The following BCL2 variants were observed in gnomAD, a reference collection of about 807,000 sequenced individuals.
BCL2 encodes the protein BCL2 apoptosis regulator, also known as apoptosis regulator Bcl-2.
In BCL2, 1 loss-of-function variant was observed where a neutral mutation model predicts 14.2. That is an observed-to-expected ratio of 0.07 (90% confidence interval 0.02 to 0.33). The LOEUF (loss-of-function observed/expected upper bound fraction) is 0.33, where lower values mean the gene tolerates loss of function less well. BCL2 is among the 10% of genes least tolerant of loss of function. The probability of loss-of-function intolerance (pLI) is 0.99; values close to 1 mark genes in which losing one functional copy is unlikely to be tolerated. For missense variants in BCL2, 247 were observed against 305.9 expected (o/e 0.81, Z 1.44); for synonymous variants, 151 against 137.2 (o/e 1.10, Z -0.70).
intron 2 of BCL2, among the ~76,000 whole-genome samples, chr18:63,258,304 G>A (rs1448628601): frequency 6.6e-6 from 1 of 152,186 alleles, no homozygotes; most frequent in Non-Finnish European, 1.5e-5. Flanking sequence ...TTTTGTCACA[G>A]CAGCCCTAGA....
intron 2 of BCL2, among the ~76,000 whole-genome samples, chr18:63,235,712 G>A (rs540999011): frequency 6.6e-6 from 1 of 151,832 alleles, no homozygotes; most frequent in East Asian, 1.9e-4. Flanking sequence ...AAAGAACAAG[G>A]ACATGACAAA....
chr18:63,253,228 G>C (rs948430878), intron 2 of BCL2, among the ~76,000 whole-genome samples: 2 of 152,160 alleles, frequency 1.3e-5, no homozygotes, highest in African/African-American at 4.8e-5. Context: ...AGCAGAAGGA[G>C]CCCCAGAAAA....
At chr18:63,137,559 T>G (rs893998329) in intron 2 of BCL2, among the ~76,000 whole-genome samples, 4 of 152,068 alleles carry the variant, frequency 2.6e-5, no homozygotes, top group African/African-American at 9.7e-5. Flanking sequence ...ATTCAGTGCT[T>G]TTTTTTTCTT....
chr18:63,312,705 C>T (rs1599307523), intron 2 of BCL2, among the ~76,000 whole-genome samples: 1 of 152,266 alleles, frequency 6.6e-6, no homozygotes, highest in Middle Eastern at 3.4e-3. Flanking sequence ...AGGAAGAGCC[C>T]CCGCTCTGGT....
chr18:63,215,045 A>G (rs572106143), intron 2 of BCL2, among the ~76,000 whole-genome samples: 38 of 152,272 alleles, frequency 2.5e-4, no homozygotes, highest in Admixed American at 2.5e-3. Flanking sequence ...ACTTCCCCAG[A>G]ACCCAACTCT....
intron 2 of BCL2, among the ~76,000 whole-genome samples, chr18:63,303,072 A>AG (rs982028592): frequency 6.6e-6 from 1 of 152,254 alleles, no homozygotes; most frequent in African/African-American, 2.4e-5. Flanking sequence ...AAGAAAAAAA[A>AG]CACTAAGGTC....
intron 2 of BCL2, among the ~76,000 whole-genome samples, chr18:63,296,871 T>C (rs1166100190): frequency 1.3e-5 from 2 of 152,222 alleles, no homozygotes; most frequent in African/African-American, 4.8e-5. Context: ...GTGACCACAT[T>C]GTGCAATAAA....
rs547810519 is a variant in BCL2 at position 63,155,197 on chromosome 18, G to A, written c.586-26438C>T. ...AGGTCGGCACAGGGCGGGCAGAGGT[G>A]GCAAATGGCAGTGTCCTTTGTCCCC... On this transcript the variant is annotated intron_variant, in intron 2 of 2. Coordinates refer to ENST00000333681, the MANE Select transcript of BCL2 (RefSeq NM_000633.3). Among the ~76,000 whole-genome samples, 55 of 152,290 alleles carry A rather than the reference G, an allele frequency of 3.6e-4. No homozygotes were observed. The South Asian group carries it at 9.3e-3, about 26-fold the overall frequency.
chr18:63,203,693 CACACACACAT>C (rs1470193588), intron 2 of BCL2, among the ~76,000 whole-genome samples: 1 of 152,180 alleles, frequency 6.6e-6, no homozygotes, highest in Non-Finnish European at 1.5e-5. Flanking sequence ...CACGCACACA[CACACACACAT>C]ACACACACAT....
chr18:63,255,836 G>C (rs1457456030), intron 2 of BCL2, among the ~76,000 whole-genome samples: 1 of 147,336 alleles, frequency 6.8e-6, no homozygotes, highest in Non-Finnish European at 1.5e-5. Context: ...CTCCCCCCCC[G>C]CCACACACAC....
chr18:63,301,678 G>A (rs946938739), intron 2 of BCL2, among the ~76,000 whole-genome samples: 1 of 152,140 alleles, frequency 6.6e-6, no homozygotes, highest in Non-Finnish European at 1.5e-5. Context: ...CAGTACTGGC[G>A]ACAAACAGGC....
chr18:63,154,601 G>A (rs2144611644), intron 2 of BCL2, among the ~76,000 whole-genome samples: 1 of 152,242 alleles, frequency 6.6e-6, no homozygotes, highest in East Asian at 1.9e-4. Flanking sequence ...CTCAGGCTGG[G>A]ATGCCACTCT....
chr18:63,260,493 C>T (rs1001451953), intron 2 of BCL2, among the ~76,000 whole-genome samples: 1 of 152,204 alleles, frequency 6.6e-6, no homozygotes, highest in Non-Finnish European at 1.5e-5. Flanking sequence ...CTGCAAGGAG[C>T]TGCCCTGTCC....
intron 2 of BCL2, among the ~76,000 whole-genome samples, chr18:63,143,582 G>A (rs781563699): frequency 3.9e-5 from 6 of 152,232 alleles, no homozygotes; most frequent in Non-Finnish European, 7.3e-5. Context: ...TTGCAGCGGC[G>A]AGCCTGGGGG....
chr18:63,292,207 C>T (rs1462889579), intron 2 of BCL2, among the ~76,000 whole-genome samples: 2 of 145,106 alleles, frequency 1.4e-5, no homozygotes, highest in African/African-American at 2.6e-5. Flanking sequence ...CTCCTAGCCC[C>T]AGCCAACCCC....
rs1491465885 is a variant in BCL2 at position 63,266,637 on chromosome 18, T to TCTCTCACACACA, written c.585+51444_585+51445insTGTGTGTGAGAG. Reference sequence around the variant, plus strand: ...CTCTCTCTCTCTCTCTCTCTCTCTCTCACACACACACACACACACAAAAAT... The same window carrying TCTCTCACACACA: ...CTCTCTCTCTCTCTCTCTCTCTCTCTCTCTCACACACACACACACACACACACACACAAAAAT... On this transcript the variant is annotated intron_variant, in intron 2 of 2. Transcript: ENST00000333681. Among the ~76,000 whole-genome samples the TCTCTCACACACA allele has an allele frequency of 8.2e-3, 709 of 85,958 alleles. 7 individuals are homozygous for TCTCTCACACACA. The highest frequency in any genetic ancestry group is 0.022 in the African/African-American group (600 of 27,648). 56.4% of individuals were successfully genotyped at this position (85,958 alleles called of 152,430 possible). A position where few individuals can be genotyped will look rare whatever the true frequency, so the allele number is the denominator to read the frequency against.
intron 2 of BCL2, among the ~76,000 whole-genome samples, chr18:63,137,739 C>T (rs1223565204): frequency 6.6e-6 from 1 of 152,150 alleles, no homozygotes; most frequent in Non-Finnish European, 1.5e-5. Flanking sequence ...TTTCCAAACT[C>T]ATTTGGCCCC....
chr18:63,257,609 A>G (rs901408236), intron 2 of BCL2, among the ~76,000 whole-genome samples: 1 of 152,256 alleles, frequency 6.6e-6, no homozygotes, highest in African/African-American at 2.4e-5. Flanking sequence ...AGAGGATTTA[A>G]CCATTCAGGG....
At chr18:63,209,865 G>A (rs1024404033) in intron 2 of BCL2, among the ~76,000 whole-genome samples, 1 of 152,150 alleles carries the variant, frequency 6.6e-6, no homozygotes, top group South Asian at 2.1e-4. Flanking sequence ...GAATCAGGCC[G>A]TTTAACAGGA....
Sources: gnomAD v4.1 joint callset for allele counts (sites outside exome capture counted in the v4.1 genomes callset) on GRCh38, gnomAD v4.1.1 for gene constraint, MANE v1.5 for transcripts, NCBI Gene and HGNC (gene_info 2026-07-23, HGNC 2026-07-21) for gene names.